The following LSAMP variants were observed in gnomAD, a reference collection of about 807,000 sequenced individuals.
LSAMP encodes limbic system-associated membrane protein.
Under a neutral mutation model 38.6 loss-of-function variants are expected in LSAMP, and 7 were observed. That is an observed-to-expected ratio of 0.18 (90% CI 0.10 to 0.34). LSAMP has a LOEUF of 0.34. Among genes scored for constraint, LSAMP ranks in the 10% least tolerant of loss-of-function variants. The pLI, the probability that LSAMP is intolerant of heterozygous loss-of-function variation, is 1.00. For synonymous variants in LSAMP, 154 were observed against 166.8 expected, an observed-to-expected ratio of 0.92 and a Z score of 0.59; for missense variants, 313 against 420.0, an observed-to-expected ratio of 0.75 and a Z score of 2.23.
At chr3:116,060,109 G>A (rs1181367068) in intron 2 of LSAMP, among the ~76,000 whole-genome samples, 1 of 151,138 alleles carries the variant, frequency 6.6e-6, no homozygotes, top group African/African-American at 2.4e-5. Context: ...CTTCCCTTTT[G>A]TCTCTTTCCC....
At chr3:115,900,337 AAACCCC>A (rs890591336) in intron 3 of LSAMP, among the ~76,000 whole-genome samples, 8 of 152,092 alleles carry the variant, frequency 5.3e-5, no homozygotes, top group African/African-American at 1.7e-4. Flanking sequence ...CAACATGGTG[AAACCCC>A]AACTCTACTA....
At chr3:116,153,629 T>C (rs1041442712) in intron 1 of LSAMP, among the ~76,000 whole-genome samples, 1 of 152,136 alleles carries the variant, frequency 6.6e-6, no homozygotes, top group African/African-American at 2.4e-5. Flanking sequence ...TCTCACTTTT[T>C]CTTTAGGGTT....
intron 3 of LSAMP, among the ~76,000 whole-genome samples, chr3:115,914,666 T>C (rs1035933298): frequency 1.3e-5 from 2 of 152,218 alleles, no homozygotes; most frequent in Admixed American, 6.5e-5. Flanking sequence ...TTCTTTCTTT[T>C]ACCTCTAATA....
intron 1 of LSAMP, among the ~76,000 whole-genome samples, chr3:116,414,414 C>G (rs2049021785): frequency 6.6e-6 from 1 of 152,130 alleles, no homozygotes; most frequent in Non-Finnish European, 1.5e-5. Context: ...CAGCCGGTGT[C>G]TTCCAGTTCA....
At chr3:115,969,458 C>T (rs955058886) in intron 3 of LSAMP, among the ~76,000 whole-genome samples, 44 of 152,142 alleles carry the variant, frequency 2.9e-4, no homozygotes, top group Admixed American at 1.4e-3. Context: ...ATTGATACAG[C>T]AGAGCACTTC....
chr3:115,846,300 G>A (rs1015749934), intron 4 of LSAMP, among the ~76,000 whole-genome samples: 9 of 152,074 alleles, frequency 5.9e-5, no homozygotes, highest in African/African-American at 1.7e-4. Context: ...AAAATTCCAC[G>A]TTCTGAAAAT....
chr3:115,846,907 A>G (rs1935177802), intron 4 of LSAMP, among the ~76,000 whole-genome samples: 1 of 152,158 alleles, frequency 6.6e-6, no homozygotes, highest in Admixed American at 6.5e-5. Flanking sequence ...TGCAGACTCA[A>G]TCTCTGCTAT....
chr3:115,902,519 G>T (rs887481390), intron 3 of LSAMP, among the ~76,000 whole-genome samples: 8 of 149,368 alleles, frequency 5.4e-5, no homozygotes, highest in Non-Finnish European at 8.9e-5. Context: ...AAGAGCTTCT[G>T]CACAGCAAAA....
At chr3:115,935,692 A>G (rs1937676959) in intron 3 of LSAMP, among the ~76,000 whole-genome samples, 1 of 152,200 alleles carries the variant, frequency 6.6e-6, no homozygotes, top group African/African-American at 2.4e-5. Context: ...CTCTCATCTC[A>G]GAGTGGCAGG....
intron 3 of LSAMP, among the ~76,000 whole-genome samples, chr3:116,017,630 G>T (rs1479942429): frequency 6.6e-6 from 1 of 151,924 alleles, no homozygotes; most frequent in Non-Finnish European, 1.5e-5. Context: ...CCATAAATTT[G>T]GCTGTAAGTT....
intron 1 of LSAMP, among the ~76,000 whole-genome samples, chr3:116,205,990 C>T (rs2046062056): frequency 6.6e-6 from 1 of 151,516 alleles, no homozygotes; most frequent in Non-Finnish European, 1.5e-5. Context: ...ACCAGTTCCT[C>T]CTTGTACCTC....
intron 3 of LSAMP, among the ~76,000 whole-genome samples, chr3:115,927,991 C>T (rs1937520931): frequency 6.6e-6 from 1 of 152,148 alleles, no homozygotes; most frequent in East Asian, 1.9e-4. Context: ...ATCTGCCTTC[C>T]CACAATAACT....
chr3:116,132,721 T>G (rs546927895), intron 1 of LSAMP, among the ~76,000 whole-genome samples: 30 of 152,362 alleles, frequency 2.0e-4, no homozygotes, highest in African/African-American at 6.7e-4. Flanking sequence ...GCACTTTTAT[T>G]TCTCTGAAAC....
At chr3:116,406,060 C>A (rs2048893456) in intron 1 of LSAMP, among the ~76,000 whole-genome samples, 1 of 152,078 alleles carries the variant, frequency 6.6e-6, no homozygotes, top group Non-Finnish European at 1.5e-5. Flanking sequence ...AGTTACATTT[C>A]TATCTTTTTT....
intron 1 of LSAMP, among the ~76,000 whole-genome samples, chr3:116,405,608 T>C (rs1021129568): frequency 1.3e-5 from 2 of 152,028 alleles, no homozygotes; most frequent in Admixed American, 6.6e-5. Flanking sequence ...ATGAGCAGTG[T>C]TGTGATCAAC....
intron 3 of LSAMP, among the ~76,000 whole-genome samples, chr3:115,897,741 G>C (rs1936765122): frequency 6.6e-6 from 1 of 152,078 alleles, no homozygotes; most frequent in African/African-American, 2.4e-5. Context: ...CGTGTTTTAA[G>C]AGTGTCTGGA....
At chr3:116,111,477 AAGGT>A (rs1365377608) in intron 1 of LSAMP, among the ~76,000 whole-genome samples, 10 of 152,212 alleles carry the variant, frequency 6.6e-5, no homozygotes, top group Non-Finnish European at 1.3e-4. Flanking sequence ...AGAGTGTTCA[AAGGT>A]TTATTTAGAA....
chr3:116,058,658 CAG>C lies in LSAMP; in HGVS notation c.388+27664_388+27665del, dbSNP rs368981530. ...AGCCTGTTGGTCACATTTGAACATT[CAG>C]AGTCTTTACTTTTGTGAAGTATGCT... On this transcript the variant is annotated intron_variant, in intron 2 of 6. Coordinates refer to ENST00000490035, the MANE Select transcript of LSAMP (RefSeq NM_002338.5). Among the ~76,000 whole-genome samples the C allele has an allele frequency of 7.0e-3, 1,070 of 152,174 alleles. 7 individuals carry two copies. The highest frequency in any genetic ancestry group is 0.012 in the Non-Finnish European group (799 of 68,000).
intron 1 of LSAMP, among the ~76,000 whole-genome samples, chr3:116,290,105 A>G (rs1044150077): frequency 2.0e-5 from 3 of 152,092 alleles, no homozygotes; most frequent in Middle Eastern, 3.2e-3. Context: ...TGTATCAATC[A>G]ATCTGATGAA....
Sources: gnomAD v4.1 joint callset for allele counts (sites outside exome capture counted in the v4.1 genomes callset) on GRCh38, gnomAD v4.1.1 for gene constraint, MANE v1.5 for transcripts, NCBI Gene and HGNC (gene_info 2026-07-23, HGNC 2026-07-21) for gene names.